STK3: variants seen among roughly 807,000 people sequenced by gnomAD.
The protein encoded by STK3 is serine/threonine-protein kinase 3.
A neutral mutation model predicts 58.0 loss-of-function variants in STK3; 41 were observed. The ratio of observed to expected loss-of-function variants is 0.71; its 90% confidence interval spans 0.55 to 0.92. The LOEUF (loss-of-function observed/expected upper bound fraction) is 0.92. Among genes scored for constraint, STK3 ranks in the 40% least tolerant of loss-of-function variants. The probability of loss-of-function intolerance (pLI) is 0.00; values close to 1 mark genes in which losing one functional copy is unlikely to be tolerated. For missense variants in STK3, 479 were observed against 602.7 expected (o/e 0.79, Z 2.15); for synonymous variants, 170 against 191.0 (o/e 0.89, Z 0.91).
intron 1 of STK3, among the ~76,000 whole-genome samples, chr8:98,385,758 A>T (rs986636095): frequency 6.6e-6 from 1 of 152,168 alleles, no homozygotes; most frequent in African/African-American, 2.4e-5. Context: ...TGAAAAAGAG[A>T]AAATATTTAG....
chr8:98,593,588 C>A (rs1021724520), intron 7 of STK3, among the ~76,000 whole-genome samples: 1 of 152,310 alleles, frequency 6.6e-6, no homozygotes, highest in East Asian at 1.9e-4. Flanking sequence ...TAGATTCTAA[C>A]AGGAGCACAA....
intron 8 of STK3, among the ~76,000 whole-genome samples, chr8:98,557,328 C>G (rs1020294682): frequency 3.9e-5 from 6 of 151,994 alleles, no homozygotes; most frequent in Admixed American, 3.9e-4. Flanking sequence ...TCCTACTAAA[C>G]TAAAAACACT....
intron 10 of STK3, among the ~76,000 whole-genome samples, chr8:98,497,423 G>A (rs1360625557): frequency 2.0e-5 from 3 of 151,102 alleles, no homozygotes; most frequent in Non-Finnish European, 3.0e-5. Flanking sequence ...AAAAGCACTA[G>A]TAAAAAAAAA....
chr8:98,715,572 C>G (rs960349871), intron 4 of STK3, among the ~76,000 whole-genome samples: 6 of 152,140 alleles, frequency 3.9e-5, no homozygotes, highest in Non-Finnish European at 4.4e-5. Flanking sequence ...CAAATCAAAA[C>G]CACAATGAGA....
At chr8:98,344,030 A>G in the STK3 span, among the ~76,000 whole-genome samples, 1 of 152,216 alleles carries the variant, frequency 6.6e-6, no homozygotes, top group African/African-American at 2.4e-5. Flanking sequence ...GATTATACAC[A>G]GGATTCCCCA....
chr8:98,696,894 C>T (rs1359654086), intron 6 of STK3, among the ~76,000 whole-genome samples: 1 of 152,162 alleles, frequency 6.6e-6, no homozygotes, highest in Non-Finnish European at 1.5e-5. Flanking sequence ...GGAGGATTCC[C>T]TCTTTTTCTA....
intron 6 of STK3, among the ~76,000 whole-genome samples, chr8:98,677,202 G>A (rs1010086008): frequency 5.3e-5 from 8 of 151,908 alleles, no homozygotes; most frequent in Non-Finnish European, 1.0e-4. Flanking sequence ...ATTATCTGTC[G>A]CCCTTGGCCC....
chr8:98,673,643 C>T (rs985392098), intron 6 of STK3, among the ~76,000 whole-genome samples: 3 of 151,974 alleles, frequency 2.0e-5, no homozygotes, highest in African/African-American at 7.3e-5. Flanking sequence ...GGATAAAATG[C>T]TTAACAAGTA....
chr8:98,550,896 C>T (rs566120180), intron 8 of STK3, among the ~76,000 whole-genome samples: 1 of 152,320 alleles, frequency 6.6e-6, no homozygotes, highest in East Asian at 1.9e-4. Context: ...TTCTTGAATA[C>T]TATTTCTATC....
chr8:98,697,477 T>G (rs1391348199), intron 6 of STK3, among the ~76,000 whole-genome samples: 4 of 152,258 alleles, frequency 2.6e-5, no homozygotes, highest in Non-Finnish European at 5.9e-5. Context: ...TCTTTCCTGC[T>G]TTCTCTTGTG....
chr8:98,469,261 G>C (rs947928126), intron 10 of STK3, among the ~76,000 whole-genome samples: 4 of 149,338 alleles, frequency 2.7e-5, no homozygotes, highest in Non-Finnish European at 5.9e-5. Context: ...GCGGGGGCGG[G>C]GGGGCGGTCT....
chr8:98,776,094 T>C (rs1831658166), intron 1 of STK3, among the ~76,000 whole-genome samples: 1 of 152,206 alleles, frequency 6.6e-6, no homozygotes, highest in South Asian at 2.1e-4. Flanking sequence ...AAGTCTATAA[T>C]GCTGATGAAA....
intron 10 of STK3, among the ~76,000 whole-genome samples, chr8:98,464,561 A>AAAAAAG (rs1820308282): frequency 1.3e-5 from 2 of 149,032 alleles, no homozygotes; most frequent in Non-Finnish European, 3.0e-5. Flanking sequence ...AAAAAAAAAA[A>AAAAAAG]AAAGAAAGAA....
intron 4 of STK3, among the ~76,000 whole-genome samples, chr8:98,720,335 T>C (rs1433111491): frequency 6.6e-6 from 1 of 152,218 alleles, no homozygotes; most frequent in Non-Finnish European, 1.5e-5. Context: ...AGAAATTAAA[T>C]GGACTACCGA....
chr8:98,709,843 T>G (rs1201768496), intron 4 of STK3, among the ~76,000 whole-genome samples: 1 of 152,084 alleles, frequency 6.6e-6, no homozygotes, highest in Non-Finnish European at 1.5e-5. Context: ...CTCAAAGCAG[T>G]AAGACTGAAA....
At chr8:98,501,291 A>G (rs576366453) in intron 10 of STK3, among the ~76,000 whole-genome samples, 5 of 151,782 alleles carry the variant, frequency 3.3e-5, no homozygotes, top group East Asian at 1.9e-4. Context: ...TTCTTTGCAG[A>G]TTCTGGGTAT....
At position 98,510,604 on chromosome 8, in the gene STK3, C is replaced by T. The variant is rs117407091; in HGVS notation, c.1317+16138G>A. ...GCAGTTTTTTTTTACAACTAGAATT[C>T]TCATTTGAACAAACAAGAAAATGTC... On this transcript the variant is annotated intron_variant, in intron 10 of 10. Transcript: ENST00000419617. Among the ~76,000 whole-genome samples the T allele has an allele frequency of 5.8e-3, 874 of 151,898 alleles. 4 individuals are homozygous for T. Among genetic ancestry groups the T allele is most frequent in the Non-Finnish European group, 0.01 (694 of 67,906 alleles).
At chr8:98,868,072 G>C (rs1408949815) in intron 3 of STK3, among the ~76,000 whole-genome samples, 2 of 152,144 alleles carry the variant, frequency 1.3e-5, no homozygotes, top group Non-Finnish European at 2.9e-5. Flanking sequence ...TAAAAACCCA[G>C]CTTTTAGGTG....
In STK3 at chr8:98,888,770, C is replaced by G. The variant is rs138021534; in HGVS notation, c.-78-4936G>C. ...GTCTCCAGTCTGTGTTAGATAGAAC[C>G]TGAAAACGGAAATTTTGAACTAGCA... On this transcript the variant is annotated intron_variant, in intron 1 of 1. Coordinates refer to the STK3 transcript ENST00000519420. Among the ~76,000 whole-genome samples the G allele has an allele frequency of 1.1e-3, 169 of 152,314 alleles. No individual in the cohort carries two copies. The East Asian group carries it at 0.02, about 18-fold the overall frequency.
Sources: allele counts gnomAD v4.1 joint callset (sites outside exome capture counted in the v4.1 genomes callset), GRCh38; gene constraint gnomAD v4.1.1; transcripts MANE v1.5; gene names NCBI Gene and HGNC (gene_info 2026-07-23, HGNC 2026-07-21).